COX7B2: variants seen among roughly 807,000 people sequenced by gnomAD.
COX7B2 encodes the protein cytochrome c oxidase subunit 7B2, also known as cytochrome c oxidase subunit 7B2, mitochondrial.
For missense variants in COX7B2, 109 were observed against 95.9 expected, an observed-to-expected ratio of 1.14 and a Z score of -0.57; for synonymous variants, 37 against 32.1, an observed-to-expected ratio of 1.15 and a Z score of -0.51.
chr4:46,752,850 T>C (rs904723120), intron 2 of COX7B2, among the ~76,000 whole-genome samples: 2 of 152,204 alleles, frequency 1.3e-5, no homozygotes, highest in African/African-American at 2.4e-5. Flanking sequence ...TTTGCATCGA[T>C]GTTCATCAGC....
At chr4:46,832,387 CAG>C (rs1440374051) in intron 2 of COX7B2, among the ~76,000 whole-genome samples, 4 of 152,150 alleles carry the variant, frequency 2.6e-5, no homozygotes, top group African/African-American at 9.7e-5. Context: ...TTCTTAAAGT[CAG>C]TGAGACCAAG....
At chr4:46,803,313 A>T (rs1718762898) in intron 2 of COX7B2, among the ~76,000 whole-genome samples, 1 of 152,206 alleles carries the variant, frequency 6.6e-6, no homozygotes, top group African/African-American at 2.4e-5. Flanking sequence ...CCAGAAAAGC[A>T]TTAGAAAACA....
chr4:46,849,359 T>C (rs1365164642), intron 1 of COX7B2, among the ~76,000 whole-genome samples: 3 of 152,138 alleles, frequency 2.0e-5, no homozygotes, highest in African/African-American at 7.2e-5. Flanking sequence ...TAAGATTAGA[T>C]CATGGCATGG....
intron 1 of COX7B2, among the ~76,000 whole-genome samples, chr4:46,889,006 A>T (rs1354710336): frequency 6.6e-6 from 1 of 152,210 alleles, no homozygotes; most frequent in East Asian, 1.9e-4. Flanking sequence ...ACAAAAGTTA[A>T]ATGCTTGAGG....
chr4:46,784,556 C>T lies in COX7B2; in HGVS notation c.-49-49315G>A, dbSNP rs534790453. On this transcript the variant is annotated intron_variant, in intron 2 of 2. Transcript: ENST00000355591. ...AGGAGAATTGTTTGAACCCGGGAGG[C>T]GGAGGTTGCAGTGAGCCAAGATAGC... is the stretch of plus-strand genomic sequence containing the variant. Among the ~76,000 whole-genome samples, 187 of 152,122 alleles carry T rather than the reference C, an allele frequency of 1.2e-3. 1 individual carries two copies. The highest frequency in any genetic ancestry group is 4.3e-3 in the African/African-American group (177 of 41,500).
chr4:46,888,330 A>G (rs1200831795), intron 1 of COX7B2, among the ~76,000 whole-genome samples: 1 of 152,154 alleles, frequency 6.6e-6, no homozygotes, highest in Non-Finnish European at 1.5e-5. Context: ...TAGCTTGTTC[A>G]TGCCCATTTA....
chr4:46,859,550 T>C (rs1425462433), intron 1 of COX7B2, among the ~76,000 whole-genome samples: 1 of 152,200 alleles, frequency 6.6e-6, no homozygotes, highest in African/African-American at 2.4e-5. Flanking sequence ...ACTATTACTG[T>C]CATATTTATG....
At chr4:46,793,259 A>T (rs1718143002) in intron 2 of COX7B2, among the ~76,000 whole-genome samples, 1 of 147,596 alleles carries the variant, frequency 6.8e-6, no homozygotes, top group Non-Finnish European at 1.5e-5. Context: ...TTCCAGCCAG[A>T]GGGGGGTTAT....
intron 2 of COX7B2, among the ~76,000 whole-genome samples, chr4:46,778,848 T>C (rs1243582338): frequency 6.6e-6 from 1 of 152,212 alleles, no homozygotes; most frequent in Non-Finnish European, 1.5e-5. Flanking sequence ...GCCTAGTTTA[T>C]TAAATTGTTG....
chr4:46,747,004 CA>C (rs1715058856), intron 2 of COX7B2, among the ~76,000 whole-genome samples: 1 of 152,078 alleles, frequency 6.6e-6, no homozygotes, highest in Non-Finnish European at 1.5e-5. Context: ...AAAATATGAT[CA>C]GGCTGCTATG....
chr4:46,788,113 T>A (rs1348776961), intron 2 of COX7B2, among the ~76,000 whole-genome samples: 1 of 151,976 alleles, frequency 6.6e-6, no homozygotes, highest in Non-Finnish European at 1.5e-5. Context: ...AGAAAAAAAG[T>A]AAAGGAAAAC....
At chr4:46,799,981 C>CT (rs968528364) in intron 2 of COX7B2, among the ~76,000 whole-genome samples, 2 of 151,816 alleles carry the variant, frequency 1.3e-5, no homozygotes, top group Non-Finnish European at 2.9e-5. Flanking sequence ...AGGTTCAGGG[C>CT]TTTTTTTGGC....
chr4:46,738,671 T>C (rs182387556), intron 2 of COX7B2, among the ~76,000 whole-genome samples: 2 of 152,180 alleles, frequency 1.3e-5, no homozygotes, highest in East Asian at 3.9e-4. Context: ...TCTAAAGAAC[T>C]AAAGCTACAG....
chr4:46,833,629 G>A (rs567475693), intron 2 of COX7B2, among the ~76,000 whole-genome samples: 56 of 152,290 alleles, frequency 3.7e-4, no homozygotes, highest in Admixed American at 9.8e-4. Flanking sequence ...GGGAAAGGAA[G>A]ATGAATAGAG....
At chr4:46,856,186 G>C (rs1039852557) in intron 1 of COX7B2, among the ~76,000 whole-genome samples, 2 of 152,072 alleles carry the variant, frequency 1.3e-5, no homozygotes, top group East Asian at 1.9e-4. Context: ...GGAGGTTGCA[G>C]TAAGCCAAGA....
chr4:46,830,511 T>G (rs1413847082), intron 2 of COX7B2, among the ~76,000 whole-genome samples: 1 of 152,038 alleles, frequency 6.6e-6, no homozygotes, highest in Non-Finnish European at 1.5e-5. Context: ...ATTGTGTTCA[T>G]TAATAGAAGG....
intron 2 of COX7B2, among the ~76,000 whole-genome samples, chr4:46,749,057 C>A (rs1715188577): frequency 6.6e-6 from 1 of 152,078 alleles, no homozygotes. Flanking sequence ...TGCTCTTCTA[C>A]TCCCAAGTTT....
rs1032556699 is a variant in COX7B2, at chr4:46,904,751, A to C, written c.-105+4409T>G. Among the ~76,000 whole-genome samples the C allele has an allele frequency of 5.3e-5, 8 of 152,318 alleles. 2 individuals carry two copies. Among genetic ancestry groups the C allele is most frequent in the Admixed American group, 1.3e-4 (2 of 15,302 alleles). ...GATACATTCACATCACAAAATATTA[A>C]TTCCATGCAACGAGGAAAAGTTTTC... On this transcript the variant is annotated intron_variant, in intron 1 of 2. Transcript: ENST00000355591.
At chr4:46,748,140 A>G (rs1158225545) in intron 2 of COX7B2, among the ~76,000 whole-genome samples, 2 of 152,226 alleles carry the variant, frequency 1.3e-5, no homozygotes, top group South Asian at 2.1e-4. Flanking sequence ...CCAATTCAAT[A>G]GTAGCCATGC....
Sources: allele counts gnomAD v4.1 joint callset (sites outside exome capture counted in the v4.1 genomes callset), GRCh38; gene constraint gnomAD v4.1.1; transcripts MANE v1.5; gene names NCBI Gene and HGNC (gene_info 2026-07-23, HGNC 2026-07-21).